The following MAP3K20 variants were observed in gnomAD, a reference collection of about 807,000 sequenced individuals.
MAP3K20 encodes the protein HCCS-4.
MAP3K20 carries 40 observed loss-of-function variants against 85.7 expected under a neutral mutation model. The ratio of observed to expected loss-of-function variants is 0.47; its 90% CI spans 0.36 to 0.61. The LOEUF (loss-of-function observed/expected upper bound fraction) is 0.61. MAP3K20 is among the 20% of genes least tolerant of loss of function. The probability of loss-of-function intolerance (pLI) is 0.00; values close to 1 mark genes in which losing one functional copy is unlikely to be tolerated. For missense variants in MAP3K20, 817 were observed against 961.7 expected, an observed-to-expected ratio of 0.85 and a Z score of 1.99; for synonymous variants, 325 against 327.7, an observed-to-expected ratio of 0.99 and a Z score of 0.09.
At chr2:173,220,306 A>G (rs1215569287) in intron 11 of MAP3K20, among the ~76,000 whole-genome samples, 1 of 152,226 alleles carries the variant, frequency 6.6e-6, no homozygotes, top group Non-Finnish European at 1.5e-5. Flanking sequence ...TGTTCAAAAT[A>G]ATTACGTAAA....
At chr2:173,221,856 GT>G (rs1225567878) in intron 11 of MAP3K20, 1 of 1,015,984 alleles carries the variant, frequency 9.8e-7, no homozygotes, top group African/African-American at 1.7e-5. Flanking sequence ...TTTTTAGTTT[GT>G]ATTTGACTTT....
Position 173,085,784 on chromosome 2 carries a change from A to ATTTTTTT in MAP3K20, c.-34-5191_-34-5185dup, listed in dbSNP as rs61431056. Among the ~76,000 whole-genome samples, 57 of 73,752 alleles carry ATTTTTTT rather than the reference A, an allele frequency of 7.7e-4. 4 individuals are homozygous for ATTTTTTT. The highest frequency in any genetic ancestry group is 1.1e-3 in the Admixed American group (5 of 4,724). The allele number at this position is 73,752 out of a possible 152,430, so 48.4% of individuals were successfully genotyped here. On this transcript the variant is annotated intron_variant, in intron 1 of 19. Coordinates refer to ENST00000375213, the MANE Select transcript of MAP3K20 (RefSeq NM_016653.3). Reference sequence around the variant, plus strand: ...AAATTGCCTTTTTTGTGTAAAAGCAATTTTTTTTTTTTTTTTTTTTTTTTT... The same window carrying ATTTTTTT: ...AAATTGCCTTTTTTGTGTAAAAGCAATTTTTTTTTTTTTTTTTTTTTTTTTTTTTTTT...
intron 2 of MAP3K20, among the ~76,000 whole-genome samples, chr2:173,098,922 G>A (rs920723773): frequency 6.6e-6 from 1 of 152,196 alleles, no homozygotes; most frequent in Non-Finnish European, 1.5e-5. Context: ...TCAGAAACTG[G>A]GAGGTAGCGC....
At chr2:173,193,020 CTG>C in intron 7 of MAP3K20, 1 of 152,292 alleles carries the variant, frequency 6.6e-6, no homozygotes, top group Middle Eastern at 3.4e-3. Context: ...AAAAGCCACT[CTG>C]TATTCTGCAG....
chr2:173,089,435 A>G (rs1472810002), intron 1 of MAP3K20, among the ~76,000 whole-genome samples: 6 of 138,640 alleles, frequency 4.3e-5, no homozygotes, highest in Non-Finnish European at 1.0e-4. Context: ...ACATCCATCT[A>G]TAAAGCAAAA....
In MAP3K20 at chr2:173,084,411, T is replaced by C. The variant is rs1687090965; in HGVS notation, c.-34-6587T>C. ...AATAAATAGATCTTAGCAATGCTAA[T>C]GTCCAAAAAGTGCAAAAAAAAAAAA... is the stretch of plus-strand genomic sequence containing the variant. On this transcript the variant is annotated intron_variant, in intron 1 of 19. Coordinates refer to ENST00000375213, the MANE Select transcript of MAP3K20 (RefSeq NM_016653.3). Among the ~76,000 whole-genome samples the C allele has an allele frequency of 2.4e-5, 3 of 125,780 alleles. No individual in the cohort carries two copies. In the South Asian group the frequency reaches 7.5e-4, roughly 32 times the overall value. 82.5% of individuals were successfully genotyped at this position (125,780 alleles called of 152,430 possible). A position where few individuals can be genotyped will look rare whatever the true frequency, so the allele number is the denominator to read the frequency against.
At chr2:173,092,091 C>T (rs899313417) in intron 2 of MAP3K20, among the ~76,000 whole-genome samples, 4 of 152,170 alleles carry the variant, frequency 2.6e-5, no homozygotes, top group African/African-American at 9.7e-5. Flanking sequence ...GCCAGTGAAC[C>T]ATAGCAATTG....
In MAP3K20 at chr2:173,198,217, T is replaced by C. The variant is rs757535420; in HGVS notation, c.669+105T>C. The stretch of plus-strand genomic sequence containing the variant: ...CAAATTGAAAGTAAGTTCACGCTTA[T>C]GGAAAGATTAGCAGTAGGAGCTAAC... On this transcript the variant is annotated intron_variant, in intron 8 of 19. Coordinates refer to ENST00000375213, the MANE Select transcript of MAP3K20 (RefSeq NM_016653.3). The surrounding 1 kb of genome is among the most constrained non-coding windows in gnomAD (Gnocchi z 5.8). 5.7e-6 allele frequency: 6 copies of C among 1,061,202 alleles called. No individual in the cohort carries two copies. The highest frequency in any genetic ancestry group is 8.3e-6 in the Non-Finnish European group (6 of 725,306). The allele number at this position is 1,061,202 out of a possible 1,614,324, so 65.7% of individuals were successfully genotyped here.
intron 19 of MAP3K20, 144 bp from the exon 20 acceptor site, chr2:173,265,906 G>A (rs933484298): frequency 1.1e-4 from 83 of 776,366 alleles, no homozygotes; most frequent in Admixed American, 5.6e-4. Flanking sequence ...TAAAAGAAAC[G>A]TCCTTATACA....
intron 10 of MAP3K20, among the ~76,000 whole-genome samples, chr2:173,213,735 G>A (rs749765977): frequency 6.6e-6 from 1 of 152,156 alleles, no homozygotes; most frequent in Non-Finnish European, 1.5e-5. Flanking sequence ...ACTTGTGGCC[G>A]TTGTTGTGCT....
At chr2:173,262,168 C>T (rs1485228417) in intron 18 of MAP3K20, among the ~76,000 whole-genome samples, 3 of 152,146 alleles carry the variant, frequency 2.0e-5, no homozygotes, top group Admixed American at 6.6e-5. Flanking sequence ...CTATAAAAAA[C>T]ACTTTCTGCG....
At chr2:173,159,832 A>G (rs1057004515) in intron 2 of MAP3K20, among the ~76,000 whole-genome samples, 1 of 152,118 alleles carries the variant, frequency 6.6e-6, no homozygotes, top group East Asian at 1.9e-4. Flanking sequence ...CCACCCTCCT[A>G]TCCTGCCAGG....
chr2:173,110,430 A>T (rs189277176), intron 2 of MAP3K20, among the ~76,000 whole-genome samples: 2,825 of 149,746 alleles, frequency 0.019, 47 homozygotes, highest in Non-Finnish European at 0.027. Context: ...ATTAAAAAAA[A>T]TTTTTTTCCA....
intron 18 of MAP3K20, among the ~76,000 whole-genome samples, chr2:173,261,754 C>T (rs767081085): frequency 2.4e-4 from 37 of 152,184 alleles, no homozygotes; most frequent in Non-Finnish European, 1.5e-4. Context: ...CAGTGGCTCA[C>T]ACCTGTAATC....
chr2:173,189,502 C>T (rs1690587703), intron 5 of MAP3K20, among the ~76,000 whole-genome samples: 1 of 152,182 alleles, frequency 6.6e-6, no homozygotes, highest in African/African-American at 2.4e-5. Flanking sequence ...GCCCTATTTA[C>T]ATATTAACAC....
rs766276002 is a variant in MAP3K20, at chr2:173,217,105, C to G, written c.852-10C>G. 1 of 1,532,550 alleles carries G rather than the reference C, an allele frequency of 6.5e-7. No homozygotes were observed. Among genetic ancestry groups the G allele is most frequent in the East Asian group, 2.4e-5 (1 of 42,012 alleles). 94.9% of individuals were successfully genotyped at this position (1,532,550 alleles called of 1,614,324 possible). A position where few individuals can be genotyped will look rare whatever the true frequency, so the allele number is the denominator to read the frequency against. On this transcript the variant is annotated splice_polypyrimidine_tract_variant and intron_variant, in intron 10 of 19. Coordinates refer to ENST00000375213, the MANE Select transcript of MAP3K20 (RefSeq NM_016653.3). ...TAAAGTTGAGACTTACACCAGCTAT[C>G]CCCGTGCAGGTGCGAAATTGAGGCA...
Position 173,257,259 on chromosome 2 carries a change from C to A in MAP3K20, c.1360-1440C>A, listed in dbSNP as rs541271806. On this transcript the variant is annotated intron_variant, in intron 16 of 19. Transcript: ENST00000375213. ...CACTAAGTTTTGACCAATGCATGCA[C>A]CTATGTAACCCAAACCTCTATCAAT... 2.0e-5 allele frequency among the ~76,000 whole-genome samples: 3 copies of A among 152,214 alleles called. No individual in the cohort carries two copies. The South Asian group carries it at 6.2e-4, about 32-fold the overall frequency.
rs533783867 is a variant in MAP3K20 at position 173,179,358 on chromosome 2, C to T, written c.248-3496C>T. ...AGTGAGTCGAGTTTGCACCACTGCA[C>T]TCCAGCCTGGGTGACAGAGTGAGAC... is the stretch of plus-strand genomic sequence containing the variant. On this transcript the variant is annotated intron_variant, in intron 3 of 19. Transcript: ENST00000375213. Among the ~76,000 whole-genome samples, 3 of 148,492 alleles carry T rather than the reference C, an allele frequency of 2.0e-5. No homozygotes were observed. In the East Asian group the frequency reaches 6.0e-4, roughly 30 times the overall value.
intron 17 of MAP3K20, 52 bp downstream of exon 17, chr2:173,258,867 C>G (rs773492946): frequency 2.7e-5 from 32 of 1,179,960 alleles, no homozygotes; most frequent in Non-Finnish European, 3.7e-5. Context: ...AGATATCAAA[C>G]AAAGACATTA....
Sources: allele counts gnomAD v4.1 joint callset (sites outside exome capture counted in the v4.1 genomes callset), GRCh38; gene constraint gnomAD v4.1.1; non-coding constraint Gnocchi (gnomAD v3.1); transcripts MANE v1.5; gene names NCBI Gene and HGNC (gene_info 2026-07-23, HGNC 2026-07-21).